Variants in EYA2 observed in about 807,000 individuals in gnomAD.
EYA2 encodes the protein EYA transcriptional coactivator and phosphatase 2.
Under a neutral mutation model 69.2 loss-of-function variants are expected in EYA2, and 31 were observed. That is an observed-to-expected ratio of 0.45 (90% CI 0.34 to 0.60). The LOEUF (loss-of-function observed/expected upper bound fraction) is 0.60. Ranked by LOEUF, EYA2 falls within the 20% of genes least tolerant of loss-of-function variation. The probability of loss-of-function intolerance (pLI) is 0.02; values close to 1 mark genes in which losing one functional copy is unlikely to be tolerated. For missense variants in EYA2, 622 were observed against 701.2 expected (o/e 0.89, Z 1.28); for synonymous variants, 257 against 279.4 (o/e 0.92, Z 0.80).
intron 1 of EYA2, among the ~76,000 whole-genome samples, chr20:46,903,561 A>G (rs1310385377): frequency 6.6e-6 from 1 of 152,202 alleles, no homozygotes; most frequent in Non-Finnish European, 1.5e-5. Flanking sequence ...CTCAGGTTAC[A>G]CTTCCCCTCA....
At chr20:47,071,982 T>C in intron 5 of EYA2, 1 of 604,232 alleles carries the variant, frequency 1.7e-6, no homozygotes, top group South Asian at 2.0e-5. Flanking sequence ...GTGGTAGGCG[T>C]CACCAGAGGA....
intron 1 of EYA2, among the ~76,000 whole-genome samples, chr20:46,917,181 T>C (rs1984947415): frequency 6.6e-6 from 1 of 152,236 alleles, no homozygotes; most frequent in Non-Finnish European, 1.5e-5. Flanking sequence ...CTTAATCGTA[T>C]ATGCTTTTGC....
intron 1 of EYA2, among the ~76,000 whole-genome samples, chr20:46,944,966 C>T (rs559215970): frequency 6.6e-6 from 1 of 151,970 alleles, no homozygotes; most frequent in African/African-American, 2.4e-5. Flanking sequence ...TAGCCAGGCG[C>T]GGTGGTGCCT....
chr20:46,990,196 C>CA, intron 2 of EYA2, 77 bp downstream of exon 2: 1 of 777,006 alleles, frequency 1.3e-6, no homozygotes, highest in Non-Finnish European at 2.3e-6. Flanking sequence ...AAGCAACAGA[C>CA]ACGCATCCTT....
At chr20:47,169,340 A>G (rs560193241) in intron 11 of EYA2, 143 bp downstream of exon 11, 45 of 795,946 alleles carry the variant, frequency 5.7e-5, no homozygotes, top group African/African-American at 1.9e-4. Context: ...GGACTTTTGC[A>G]TCTCAGACTC....
intron 9 of EYA2, among the ~76,000 whole-genome samples, chr20:47,107,386 G>A (rs2032612569): frequency 1.3e-5 from 2 of 151,112 alleles, no homozygotes. Context: ...TTAGCCAGGC[G>A]TGGTGGTGGG....
At position 47,143,100 on chromosome 20, in the gene EYA2, G is replaced by A. The variant is rs749085280; in HGVS notation, c.930G>A (p.Glu310=). Residue 310 remains glutamate, a synonymous_variant, in exon 10 of 16, where the codon GAG becomes GAA. Coordinates refer to ENST00000327619, the MANE Select transcript of EYA2 (RefSeq NM_005244.5). ...TGCGCATTGGCCTTATGATGGAAGAGATGATCTTCAACCTTGCAGATACAC... is the reference window on the plus strand; with the variant it reads ...TGCGCATTGGCCTTATGATGGAAGAAATGATCTTCAACCTTGCAGATACAC... The part of the protein sequence containing the change: ...TSVRIGLMME[E]MIFNLADTHL... 3.1e-6 allele frequency: 5 copies of A among 1,613,938 alleles called. No homozygotes were observed. The highest frequency in any genetic ancestry group is 4.2e-6 in the Non-Finnish European group (5 of 1,179,932).
intron 5 of EYA2, among the ~76,000 whole-genome samples, chr20:47,042,452 A>C (rs1257582556): frequency 6.6e-6 from 1 of 152,258 alleles, no homozygotes; most frequent in African/African-American, 2.4e-5. Context: ...AGAAAGAGCC[A>C]AACTGGACTT....
chr20:47,041,974 A>G (rs1228315214), intron 5 of EYA2, among the ~76,000 whole-genome samples: 2 of 152,116 alleles, frequency 1.3e-5, no homozygotes, highest in Non-Finnish European at 2.9e-5. Flanking sequence ...AAATTCACTA[A>G]AAATAAAATT....
intron 5 of EYA2, among the ~76,000 whole-genome samples, chr20:47,036,350 G>A (rs1984709631): frequency 6.6e-6 from 1 of 152,134 alleles, no homozygotes; most frequent in South Asian, 2.1e-4. Context: ...GATGAACAAA[G>A]TATCAAATTT....
Position 47,154,055 on chromosome 20 carries a change from C to T in EYA2, c.978+10907C>T, listed in dbSNP as rs187232509. Among the ~76,000 whole-genome samples, 315 of 152,098 alleles carry T rather than the reference C, an allele frequency of 2.1e-3. 2 individuals carry two copies. Among genetic ancestry groups the T allele is most frequent in the South Asian group, 6.3e-3 (30 of 4,770 alleles). On this transcript the variant is annotated intron_variant, in intron 10 of 15. Coordinates refer to ENST00000327619, the MANE Select transcript of EYA2 (RefSeq NM_005244.5). ...TCTGTCCTAATAAAATACCATGGAG[C>T]GGGTGGCTTACACGACAGAAATTTT...
intron 1 of EYA2, among the ~76,000 whole-genome samples, chr20:46,917,705 G>A (rs1984976292): frequency 6.6e-6 from 1 of 152,188 alleles, no homozygotes; most frequent in Admixed American, 6.5e-5. Context: ...CACTAAGTGT[G>A]CAATATTATT....
chr20:47,154,057 G>T (rs2033873753), intron 10 of EYA2, among the ~76,000 whole-genome samples: 1 of 151,954 alleles, frequency 6.6e-6, no homozygotes, highest in East Asian at 2.0e-4. Flanking sequence ...CCATGGAGCG[G>T]GTGGCTTACA....
At chr20:46,982,124 T>C (rs1288501640) in intron 1 of EYA2, among the ~76,000 whole-genome samples, 1 of 152,244 alleles carries the variant, frequency 6.6e-6, no homozygotes, top group Admixed American at 6.5e-5. Context: ...TCTTTATCTT[T>C]GCTGAATTTT....
chr20:46,995,620 C>A (rs969875623), intron 2 of EYA2, among the ~76,000 whole-genome samples: 1 of 152,202 alleles, frequency 6.6e-6, no homozygotes, highest in Non-Finnish European at 1.5e-5. Context: ...ATAGCAGAGA[C>A]CTGCCTGGAG....
At chr20:47,139,591 G>A (rs1259601855) in intron 9 of EYA2, among the ~76,000 whole-genome samples, 4 of 152,056 alleles carry the variant, frequency 2.6e-5, no homozygotes, top group Admixed American at 2.0e-4. Flanking sequence ...CACCACACCC[G>A]GCTAATTTTT....
Position 47,122,637 on chromosome 20 carries a change from G to C in EYA2, c.889-20422G>C, listed in dbSNP as rs115232587. 5.8e-3 allele frequency among the ~76,000 whole-genome samples: 889 copies of C among 152,046 alleles called. 11 individuals carry two copies. Among genetic ancestry groups the C allele is most frequent in the African/African-American group, 0.02 (809 of 41,474 alleles). On this transcript the variant is annotated intron_variant, in intron 9 of 15. Transcript: ENST00000327619. ...TAGAATATAAGCTCCTTGAGGCAAGGGACTTTCAATATCTGAGAGCAAGGA... is the reference window on the plus strand; with the variant it reads ...TAGAATATAAGCTCCTTGAGGCAAGCGACTTTCAATATCTGAGAGCAAGGA...
At chr20:47,037,025 C>T (rs1051481607) in intron 5 of EYA2, among the ~76,000 whole-genome samples, 1 of 152,096 alleles carries the variant, frequency 6.6e-6, no homozygotes, top group Non-Finnish European at 1.5e-5. Flanking sequence ...GCTGGGGAGG[C>T]TTCAGGAAAC....
At chr20:46,932,262 T>C (rs1488142398) in intron 1 of EYA2, among the ~76,000 whole-genome samples, 1 of 152,038 alleles carries the variant, frequency 6.6e-6, no homozygotes, top group Non-Finnish European at 1.5e-5. Flanking sequence ...GTACCCTCTT[T>C]TATGGTCATG....
Sources: allele counts gnomAD v4.1 joint callset (sites outside exome capture counted in the v4.1 genomes callset), GRCh38; gene constraint gnomAD v4.1.1; transcripts MANE v1.5; gene names NCBI Gene and HGNC (gene_info 2026-07-23, HGNC 2026-07-21).